Variants in INSR observed in about 807,000 individuals in gnomAD.
INSR encodes the protein insulin receptor, also known as IR.
Under a neutral mutation model 142.6 loss-of-function variants are expected in INSR, and 67 were observed. The observed-to-expected ratio is 0.47, with a 90% confidence interval of 0.39 to 0.58. The LOEUF is 0.58. Among genes scored for constraint, INSR ranks in the 20% least tolerant of loss-of-function variants. The pLI, the probability that INSR is intolerant of heterozygous loss-of-function variation, is 0.00. For synonymous variants in INSR, 756 were observed against 743.1 expected (o/e 1.02, Z -0.28); for missense variants, 1,248 against 1,833.2 (o/e 0.68, Z 5.83).
chr19:7,192,017 G>A lies in INSR; in HGVS notation c.653-7380C>T, dbSNP rs1974606850. ...GGAGAGAGAGAGAAAGAAAGAAGAG[G>A]GAGAAAGAAAGAGAAAGAAAGAGGC... On this transcript the variant is annotated intron_variant, in intron 2 of 21. Coordinates refer to ENST00000302850, the MANE Select transcript of INSR (RefSeq NM_000208.4). The surrounding 1 kb of genome is among the most constrained non-coding windows in gnomAD (Gnocchi z 4.2). 1.4e-5 allele frequency among the ~76,000 whole-genome samples: 2 copies of A among 140,832 alleles called. No homozygotes were observed. Among genetic ancestry groups the A allele is most frequent in the East Asian group, 2.1e-4 (1 of 4,766 alleles). 92.4% of individuals were successfully genotyped at this position (140,832 alleles called of 152,430 possible). A position where few individuals can be genotyped will look rare whatever the true frequency, so the allele number is the denominator to read the frequency against.
chr19:7,224,128 G>C (rs908588023), intron 2 of INSR, among the ~76,000 whole-genome samples: 1 of 151,818 alleles, frequency 6.6e-6, no homozygotes, highest in African/African-American at 2.4e-5. Flanking sequence ...ATTTTTAGTA[G>C]AGACGGGGTT....
intron 1 of INSR, among the ~76,000 whole-genome samples, chr19:7,292,461 G>T (rs1007174327): frequency 1.4e-5 from 2 of 141,426 alleles, no homozygotes; most frequent in African/African-American, 5.1e-5. Flanking sequence ...AGGCACCTGG[G>T]GGCGGGGCTG....
At chr19:7,289,904 G>A (rs1009815956) in intron 1 of INSR, among the ~76,000 whole-genome samples, 5 of 152,146 alleles carry the variant, frequency 3.3e-5, no homozygotes, top group Admixed American at 2.6e-4. Flanking sequence ...TCTACATACA[G>A]GACAGCCCCC....
chr19:7,163,433 G>A (rs910427720), intron 8 of INSR, among the ~76,000 whole-genome samples: 5 of 151,978 alleles, frequency 3.3e-5, no homozygotes, highest in South Asian at 2.1e-4. Context: ...GGTGGTGGGC[G>A]CCTGTAGTCC....
At chr19:7,264,465 G>A (rs1176151371) in intron 2 of INSR, among the ~76,000 whole-genome samples, 1 of 152,218 alleles carries the variant, frequency 6.6e-6, no homozygotes, top group Non-Finnish European at 1.5e-5. Flanking sequence ...ATAGAGGAAT[G>A]TCTTAAATTA....
chr19:7,125,644 A>G lies in INSR; in HGVS notation c.3014-117T>C. On this transcript the variant is annotated intron_variant, in intron 16 of 21. Transcript: ENST00000302850. This position sits in a 1 kb window ranked among gnomAD's most constrained non-coding sequence, Gnocchi z 4.9. ...AAACACTCATGAAATGAGTTCTGTG[A>G]TCCAGGACCCATGCCGGGCACTGGG... 1 of 1,392,300 alleles carries G rather than the reference A, an allele frequency of 7.2e-7. No individual in the cohort carries two copies. The highest frequency in any genetic ancestry group is 1.2e-5 in the South Asian group (1 of 84,838). The allele number at this position is 1,392,300 out of a possible 1,614,324, so 86.2% of individuals were successfully genotyped here.
rs534021607 is a variant in INSR, at chr19:7,247,846, T to C, written c.652+19499A>G. On this transcript the variant is annotated intron_variant, in intron 2 of 21. Coordinates refer to ENST00000302850, the MANE Select transcript of INSR (RefSeq NM_000208.4). ...TTTTTGCAGTGATAGCAACATTGTC[T>C]GTCTGCATTGTCTAAATATGGTGAG... Among the ~76,000 whole-genome samples the C allele has an allele frequency of 9.2e-5, 14 of 152,374 alleles. No individual in the cohort carries two copies. The South Asian group carries it at 2.9e-3, about 32-fold the overall frequency.
At chr19:7,157,659 G>A (rs1223188928) in intron 9 of INSR, among the ~76,000 whole-genome samples, 3 of 151,930 alleles carry the variant, frequency 2.0e-5, no homozygotes, top group South Asian at 2.1e-4. Flanking sequence ...TATGCCTCTG[G>A]TACAGCCACT....
At chr19:7,236,852 C>T (rs879532001) in intron 2 of INSR, among the ~76,000 whole-genome samples, 5 of 151,836 alleles carry the variant, frequency 3.3e-5, no homozygotes, top group Non-Finnish European at 5.9e-5. Flanking sequence ...CGGTGAAACC[C>T]TGTCTCTACT....
chr19:7,197,684 AGTGT>A lies in INSR; in HGVS notation c.653-13051_653-13048del, dbSNP rs559095741. On this transcript the variant is annotated intron_variant, in intron 2 of 21. Coordinates refer to ENST00000302850, the MANE Select transcript of INSR (RefSeq NM_000208.4). ...TGTGTTTGGCAGGTTCCAGAGTGGG[AGTGT>A]GTGTGTGTGTTTGGCAGGTTCCAGA... 3.9e-3 allele frequency among the ~76,000 whole-genome samples: 363 copies of A among 92,252 alleles called. 18 individuals carry two copies. Among genetic ancestry groups the A allele is most frequent in the African/African-American group, 0.016 (335 of 21,398 alleles). The allele number at this position is 92,252 out of a possible 152,430, so 60.5% of individuals were successfully genotyped here.
intron 2 of INSR, among the ~76,000 whole-genome samples, chr19:7,223,204 A>C (rs1027633592): frequency 6.6e-6 from 1 of 152,102 alleles, no homozygotes; most frequent in Non-Finnish European, 1.5e-5. Context: ...AACAAAAAAA[A>C]CCAACTGGCT....
chr19:7,117,690 TC>T (rs1414655363), intron 21 of INSR, among the ~76,000 whole-genome samples: 2 of 152,304 alleles, frequency 1.3e-5, no homozygotes, highest in African/African-American at 4.8e-5. Context: ...CACTGCAGCC[TC>T]TGCCTCCTAG....
At chr19:7,182,522 A>T (rs751203182) in intron 3 of INSR, among the ~76,000 whole-genome samples, 21 of 152,080 alleles carry the variant, frequency 1.4e-4, no homozygotes, top group African/African-American at 4.3e-4. Flanking sequence ...CAAAATAAAT[A>T]AATTAATTAA....
intron 2 of INSR, among the ~76,000 whole-genome samples, chr19:7,206,174 CAG>C (rs1975099775): frequency 7.8e-6 from 1 of 128,380 alleles, no homozygotes; most frequent in Non-Finnish European, 1.8e-5. Flanking sequence ...CCCCACCCCT[CAG>C]GGAGTTGAGA....
chr19:7,173,723 G>A (rs555199215), intron 4 of INSR, among the ~76,000 whole-genome samples: 3 of 142,882 alleles, frequency 2.1e-5, no homozygotes, highest in East Asian at 2.1e-4. Flanking sequence ...GAGTTCAAAC[G>A]ATTCTCCTGC....
rs138476238 is a variant in INSR, at chr19:7,125,424, C to G, written c.3117G>C (p.Glu1039Asp). The G allele has an allele frequency of 6.2e-7, 1 of 1,614,052 alleles. No homozygotes were observed. Among genetic ancestry groups the G allele is most frequent in the Non-Finnish European group, 8.5e-7 (1 of 1,180,044 alleles). The change falls in exon 17 of 22, where the codon GAG becomes GAC. Residue 1039 changes from glutamate (E) to aspartate (D), a missense_variant. By Grantham distance (45) the Glu-to-Asp change is conservative. Around this residue, in one of 3 missense-constraint regions of INSR, gnomAD observed 1,069 missense variants for 1,654.0 expected, o/e 0.65. Coordinates refer to ENST00000302850, the MANE Select transcript of INSR (RefSeq NM_000208.4). This position sits in a 1 kb window ranked among gnomAD's most constrained non-coding sequence, Gnocchi z 4.9. ...LGQGSFGMVY[E>D]GNARDIIKGE... ...CCTTGATGATGTCCCTGGCATTGCC[C>G]TCATACACCATGCCGAAGGAGCCCT... is the stretch of plus-strand genomic sequence containing the variant.
intron 2 of INSR, among the ~76,000 whole-genome samples, chr19:7,250,920 G>A (rs1053008494): frequency 6.6e-6 from 1 of 151,300 alleles, no homozygotes; most frequent in Non-Finnish European, 1.5e-5. Context: ...CACTCAGACT[G>A]GGGACTGCAC....
At chr19:7,153,466 C>CCA (rs1396507198) in intron 9 of INSR, among the ~76,000 whole-genome samples, 2 of 20,758 alleles carry the variant, frequency 9.6e-5, no homozygotes, top group Admixed American at 6.4e-4. Context: ...ACGCCACACA[C>CCA]CACACACACA....
chr19:7,181,036 G>A (rs1286551257), intron 3 of INSR, among the ~76,000 whole-genome samples: 2 of 152,028 alleles, frequency 1.3e-5, no homozygotes, highest in Non-Finnish European at 2.9e-5. Context: ...CACCTCCCGG[G>A]TTCAAGCAAT....
Sources: allele counts gnomAD v4.1 joint callset (sites outside exome capture counted in the v4.1 genomes callset), GRCh38; gene constraint gnomAD v4.1.1; regional missense constraint gnomAD v4.1.1; non-coding constraint Gnocchi (gnomAD v3.1); transcripts MANE v1.5; gene names NCBI Gene and HGNC (gene_info 2026-07-23, HGNC 2026-07-21).